Variants in ST6GALNAC3 observed in about 807,000 individuals in gnomAD.
The protein encoded by ST6GALNAC3 is ST6 N-acetylgalactosaminide alpha-2,6-sialyltransferase 3, also known as alpha-N-acetylgalactosaminide alpha-2,6-sialyltransferase 3.
ST6GALNAC3 carries 25 observed loss-of-function variants against 32.7 expected under a neutral mutation model. The observed-to-expected ratio is 0.76, with a 90% CI of 0.56 to 1.07. ST6GALNAC3 has a LOEUF of 1.07. Ranked by LOEUF, ST6GALNAC3 falls within the 50% of genes least tolerant of loss-of-function variation. ST6GALNAC3 has a pLI of 0.00. For missense variants in ST6GALNAC3, 355 were observed against 382.4 expected (o/e 0.93, Z 0.60); for synonymous variants, 129 against 133.1 (o/e 0.97, Z 0.21).
chr1:76,227,174 A>C (rs1336261986), intron 1 of ST6GALNAC3, among the ~76,000 whole-genome samples: 1 of 152,156 alleles, frequency 6.6e-6, no homozygotes, highest in Admixed American at 6.6e-5. Context: ...GTACCCTGGA[A>C]TTCCCTTCTT....
At chr1:76,160,703 T>C (rs1288914278) in intron 1 of ST6GALNAC3, among the ~76,000 whole-genome samples, 2 of 152,178 alleles carry the variant, frequency 1.3e-5, no homozygotes, top group Non-Finnish European at 2.9e-5. Context: ...GAGAAAATCT[T>C]GGTGCACACA....
At chr1:76,225,473 G>T (rs951101634) in intron 1 of ST6GALNAC3, among the ~76,000 whole-genome samples, 1 of 152,092 alleles carries the variant, frequency 6.6e-6, no homozygotes, top group Non-Finnish European at 1.5e-5. Context: ...AGGGACATGA[G>T]GAGGAAAACA....
At chr1:76,126,113 G>A (rs1649224376) in intron 1 of ST6GALNAC3, among the ~76,000 whole-genome samples, 1 of 152,140 alleles carries the variant, frequency 6.6e-6, no homozygotes, top group Admixed American at 6.5e-5. Flanking sequence ...CTTGAAAGAT[G>A]TTTTTAGAGG....
intron 2 of ST6GALNAC3, among the ~76,000 whole-genome samples, chr1:76,340,724 G>A (rs7516680): frequency 0.2 from 29,720 of 151,964 alleles, 3,740 homozygotes; most frequent in African/African-American, 0.36. Context: ...TTTGTGTTTG[G>A]GAGTAGGACT....
chr1:76,252,043 G>A (rs911439339), intron 1 of ST6GALNAC3, among the ~76,000 whole-genome samples: 2 of 152,186 alleles, frequency 1.3e-5, no homozygotes, highest in Admixed American at 6.5e-5. Context: ...AGTTTTTGTT[G>A]TTGTTGTTGA....
chr1:76,622,812 A>G (rs974839492), intron 3 of ST6GALNAC3, among the ~76,000 whole-genome samples: 7 of 152,036 alleles, frequency 4.6e-5, no homozygotes, highest in African/African-American at 1.7e-4. Context: ...TAAATCCAAC[A>G]TAATCCAGTT....
At chr1:76,485,015 G>C (rs977361282) in intron 3 of ST6GALNAC3, among the ~76,000 whole-genome samples, 1 of 152,140 alleles carries the variant, frequency 6.6e-6, no homozygotes, top group African/African-American at 2.4e-5. Context: ...TTTATATGCT[G>C]GATTACGTTT....
chr1:76,515,934 T>A (rs1202803898), intron 3 of ST6GALNAC3, among the ~76,000 whole-genome samples: 1 of 152,208 alleles, frequency 6.6e-6, no homozygotes, highest in Non-Finnish European at 1.5e-5. Flanking sequence ...TAGTCTGTAG[T>A]GTAGTTTAAT....
intron 1 of ST6GALNAC3, among the ~76,000 whole-genome samples, chr1:76,216,096 G>A (rs1460904003): frequency 6.6e-6 from 1 of 152,128 alleles, no homozygotes; most frequent in Non-Finnish European, 1.5e-5. Context: ...TTTAAGCCCC[G>A]CCATGCACCA....
At chr1:76,385,726 G>A (rs772254856) in intron 2 of ST6GALNAC3, among the ~76,000 whole-genome samples, 4 of 152,024 alleles carry the variant, frequency 2.6e-5, no homozygotes, top group Non-Finnish European at 5.9e-5. Context: ...TCTGGACAGC[G>A]AGAAGGGAAG....
At chr1:76,331,215 G>A (rs186956180) in intron 2 of ST6GALNAC3, among the ~76,000 whole-genome samples, 28 of 152,264 alleles carry the variant, frequency 1.8e-4, no homozygotes, top group Non-Finnish European at 2.5e-4. Flanking sequence ...AACCGGCATA[G>A]TTTGATGTCT....
chr1:76,354,795 T>TA (rs1314505166), intron 2 of ST6GALNAC3, among the ~76,000 whole-genome samples: 1 of 152,226 alleles, frequency 6.6e-6, no homozygotes, highest in Non-Finnish European at 1.5e-5. Context: ...ATTCCACGTT[T>TA]ATCTACATTC....
intron 1 of ST6GALNAC3, among the ~76,000 whole-genome samples, chr1:76,295,042 T>C (rs917336622): frequency 5.9e-5 from 9 of 152,130 alleles, no homozygotes; most frequent in Admixed American, 2.6e-4. Flanking sequence ...CCCCACTCCA[T>C]GCTGGGCAAA....
intron 3 of ST6GALNAC3, among the ~76,000 whole-genome samples, chr1:76,457,933 C>T (rs1291895977): frequency 1.1e-4 from 16 of 150,912 alleles, no homozygotes; most frequent in Middle Eastern, 3.4e-3. Flanking sequence ...AAACTACCAT[C>T]AGAGTGAACA....
At chr1:76,258,037 T>G (rs1658016612) in intron 1 of ST6GALNAC3, among the ~76,000 whole-genome samples, 2 of 152,290 alleles carry the variant, frequency 1.3e-5, no homozygotes, top group East Asian at 3.9e-4. Context: ...GCTGTGACAT[T>G]TAAGCTTTTG....
chr1:76,426,561 C>A (rs1330524937), intron 3 of ST6GALNAC3, among the ~76,000 whole-genome samples: 2 of 146,720 alleles, frequency 1.4e-5, no homozygotes, highest in African/African-American at 5.1e-5. Context: ...ATATATATAT[C>A]TGTACATATA....
intron 1 of ST6GALNAC3, among the ~76,000 whole-genome samples, chr1:76,254,786 T>C (rs1315922777): frequency 1.3e-5 from 2 of 152,034 alleles, no homozygotes; most frequent in African/African-American, 2.4e-5. Flanking sequence ...TGGCTTTTAT[T>C]AGTGATTCAT....
intron 1 of ST6GALNAC3, among the ~76,000 whole-genome samples, chr1:76,103,346 A>T (rs1647315823): frequency 1.3e-5 from 2 of 151,358 alleles, no homozygotes; most frequent in African/African-American, 4.9e-5. Flanking sequence ...TATGTGTTAT[A>T]CCTCCTCACT....
At chr1:76,119,997 C>A (rs1283481318) in intron 1 of ST6GALNAC3, among the ~76,000 whole-genome samples, 1 of 152,214 alleles carries the variant, frequency 6.6e-6, no homozygotes, top group East Asian at 1.9e-4. Context: ...CCCGGAGTGC[C>A]CAGCACTGGG....
Sources: gnomAD v4.1 joint callset for allele counts (sites outside exome capture counted in the v4.1 genomes callset) on GRCh38, gnomAD v4.1.1 for gene constraint, MANE v1.5 for transcripts, NCBI Gene and HGNC (gene_info 2026-07-23, HGNC 2026-07-21) for gene names.